The following GPC5 variants were observed in gnomAD, a reference collection of about 807,000 sequenced individuals.
GPC5 encodes the protein glypican-5.
GPC5 carries 47 observed loss-of-function variants against 53.9 expected under a neutral mutation model. The observed-to-expected ratio is 0.87, with a 90% CI of 0.69 to 1.11. The LOEUF is 1.11. Ranked by LOEUF, GPC5 falls within the 50% of genes most tolerant of loss-of-function variation. GPC5 has a pLI of 0.00. For missense variants in GPC5, 748 were observed against 713.1 expected (o/e 1.05, Z -0.56); for synonymous variants, 286 against 263.3 (o/e 1.09, Z -0.84).
At chr13:91,481,397 T>C (rs1473883844) in intron 2 of GPC5, among the ~76,000 whole-genome samples, 2 of 152,206 alleles carry the variant, frequency 1.3e-5, no homozygotes, top group African/African-American at 4.8e-5. Flanking sequence ...TTTTGGTACA[T>C]AGAAAATATT....
At chr13:91,698,183 A>G (rs1179985813) in intron 3 of GPC5, among the ~76,000 whole-genome samples, 4 of 152,114 alleles carry the variant, frequency 2.6e-5, no homozygotes, top group Non-Finnish European at 5.9e-5. Context: ...ATAATTTTCA[A>G]CAAAAAAAGT....
chr13:91,835,485 C>T (rs1208829563), intron 5 of GPC5, among the ~76,000 whole-genome samples: 2 of 152,132 alleles, frequency 1.3e-5, no homozygotes, highest in East Asian at 3.9e-4. Context: ...TGGAACCAAT[C>T]CAAATGCCCA....
chr13:91,987,015 T>TA (rs1286114990), intron 6 of GPC5, among the ~76,000 whole-genome samples: 1 of 152,170 alleles, frequency 6.6e-6, no homozygotes. Flanking sequence ...GCAAAGTAGA[T>TA]AACAATCAAG....
intron 4 of GPC5, among the ~76,000 whole-genome samples, chr13:91,736,515 A>C (rs2036818740): frequency 6.6e-6 from 1 of 151,066 alleles, no homozygotes; most frequent in Non-Finnish European, 1.5e-5. Flanking sequence ...CCATCCACAC[A>C]GAGATAAAAT....
chr13:91,967,901 G>A (rs781763813), intron 6 of GPC5, among the ~76,000 whole-genome samples: 23 of 151,768 alleles, frequency 1.5e-4, no homozygotes, highest in Non-Finnish European at 2.9e-4. Context: ...GTTTTCATTT[G>A]CATTTCTGTA....
At chr13:92,138,553 A>G (rs2041804407) in intron 6 of GPC5, among the ~76,000 whole-genome samples, 1 of 151,982 alleles carries the variant, frequency 6.6e-6, no homozygotes, top group Admixed American at 6.6e-5. Context: ...AAAAAAAATA[A>G]AAATAAAAAT....
intron 1 of GPC5, among the ~76,000 whole-genome samples, chr13:91,412,191 T>C (rs1420464275): frequency 6.6e-6 from 1 of 152,254 alleles, no homozygotes; most frequent in East Asian, 1.9e-4. Flanking sequence ...ACAAATGCCT[T>C]TGTGAATTCT....
intron 5 of GPC5, among the ~76,000 whole-genome samples, chr13:91,771,455 A>C (rs1216179794): frequency 6.6e-6 from 1 of 152,184 alleles, no homozygotes; most frequent in Non-Finnish European, 1.5e-5. Flanking sequence ...CATCCATGTA[A>C]ACAAAAGAGC....
intron 2 of GPC5, among the ~76,000 whole-genome samples, chr13:91,640,441 C>T (rs2034396275): frequency 6.6e-6 from 1 of 152,170 alleles, no homozygotes; most frequent in African/African-American, 2.4e-5. Flanking sequence ...CCATCTCACG[C>T]CAGTCAGACT....
At chr13:92,494,255 A>C (rs1369735733) in intron 7 of GPC5, among the ~76,000 whole-genome samples, 1 of 152,060 alleles carries the variant, frequency 6.6e-6, no homozygotes, top group Non-Finnish European at 1.5e-5. Flanking sequence ...ACGCCCGGCT[A>C]ATTTTTTGTA....
At chr13:91,423,576 G>A (rs576536570) in intron 1 of GPC5, among the ~76,000 whole-genome samples, 1 of 152,118 alleles carries the variant, frequency 6.6e-6, no homozygotes, top group Non-Finnish European at 1.5e-5. Flanking sequence ...CAGTAGAGGG[G>A]GGGTGTGGGG....
chr13:91,865,484 A>G (rs971011206), intron 5 of GPC5, among the ~76,000 whole-genome samples: 3 of 152,158 alleles, frequency 2.0e-5, no homozygotes, highest in Non-Finnish European at 4.4e-5. Context: ...GGAGAGGTGA[A>G]GAAGAGCTAA....
At chr13:92,180,771 C>T (rs888922885) in intron 7 of GPC5, 2 of 212,588 alleles carry the variant, frequency 9.4e-6, no homozygotes, top group Non-Finnish European at 1.9e-5. Flanking sequence ...ACACCGTTCA[C>T]CACTAATTTC....
intron 7 of GPC5, among the ~76,000 whole-genome samples, chr13:92,185,481 T>C (rs570130819): frequency 6.6e-6 from 1 of 152,270 alleles, no homozygotes; most frequent in Admixed American, 6.5e-5. Flanking sequence ...TATTTTACTC[T>C]CATTAAAGTC....
chr13:92,809,165 T>C (rs916479310), intron 7 of GPC5, among the ~76,000 whole-genome samples: 5 of 152,160 alleles, frequency 3.3e-5, no homozygotes, highest in Non-Finnish European at 7.3e-5. Flanking sequence ...TATTAAATTA[T>C]TATGTATGAA....
At chr13:92,032,338 T>G (rs1481489424) in intron 6 of GPC5, among the ~76,000 whole-genome samples, 1 of 151,370 alleles carries the variant, frequency 6.6e-6, no homozygotes, top group Non-Finnish European at 1.5e-5. Flanking sequence ...GTTCAGTGTG[T>G]ACTGCTTGGG....
intron 7 of GPC5, among the ~76,000 whole-genome samples, chr13:92,776,133 G>A (rs148347615): frequency 6.2e-4 from 95 of 152,276 alleles, no homozygotes; most frequent in African/African-American, 2.2e-3. Flanking sequence ...TCCTTCTGGA[G>A]GTTCCAGGGG....
chr13:91,420,221 G>A (rs1878513825), intron 1 of GPC5, among the ~76,000 whole-genome samples: 1 of 147,632 alleles, frequency 6.8e-6, no homozygotes, highest in South Asian at 2.1e-4. Context: ...TTCTAGCCTA[G>A]TGAGCTTTCA....
intron 5 of GPC5, among the ~76,000 whole-genome samples, chr13:91,775,963 A>T (rs916351804): frequency 6.6e-6 from 1 of 152,172 alleles, no homozygotes; most frequent in Admixed American, 6.5e-5. Context: ...GTCCAATTTC[A>T]AGTGCATCGT....
Sources: gnomAD v4.1 joint callset for allele counts (sites outside exome capture counted in the v4.1 genomes callset) on GRCh38, gnomAD v4.1.1 for gene constraint, MANE v1.5 for transcripts, NCBI Gene and HGNC (gene_info 2026-07-23, HGNC 2026-07-21) for gene names.